The following WDFY3 variants were observed in gnomAD, a reference collection of about 807,000 sequenced individuals.
The protein encoded by WDFY3 is WD repeat and FYVE domain-containing protein 3.
In WDFY3, 66 loss-of-function variants were observed where a neutral mutation model predicts 409.6. That is an observed-to-expected ratio of 0.16 (90% CI 0.13 to 0.20). The LOEUF (loss-of-function observed/expected upper bound fraction) is 0.20. Ranked by LOEUF, WDFY3 falls within the 10% of genes least tolerant of loss-of-function variation. WDFY3 has a pLI of 1.00. For missense variants in WDFY3, 3,031 were observed against 4,298.1 expected, an observed-to-expected ratio of 0.71 and a Z score of 8.24; for synonymous variants, 1,521 against 1,537.1, an observed-to-expected ratio of 0.99 and a Z score of 0.25.
chr4:84,761,637 C>A (rs1212663098), intron 32 of WDFY3, among the ~76,000 whole-genome samples: 3 of 152,170 alleles, frequency 2.0e-5, no homozygotes, highest in South Asian at 2.1e-4. Context: ...TAAAGAGCTT[C>A]TGCACAGCAA....
At chr4:84,737,402 G>A in intron 40 of WDFY3, 36 bp from the exon 41 acceptor site, 1 of 1,516,362 alleles carries the variant, frequency 6.6e-7, no homozygotes, top group Non-Finnish European at 8.8e-7. Context: ...AAAAAAGTAA[G>A]CAAATGATCA....
At chr4:84,942,235 C>A (rs1772237101) in intron 1 of WDFY3, among the ~76,000 whole-genome samples, 2 of 151,880 alleles carry the variant, frequency 1.3e-5, no homozygotes, top group African/African-American at 4.8e-5. Flanking sequence ...CTCTTCAAAA[C>A]ACAGTGTTAT....
intron 48 of WDFY3, among the ~76,000 whole-genome samples, chr4:84,718,043 G>A (rs1414462956): frequency 2.9e-5 from 3 of 104,194 alleles, no homozygotes; most frequent in Non-Finnish European, 5.1e-5. Flanking sequence ...GGGTGACAGA[G>A]TGAGACACTG....
intron 6 of WDFY3, among the ~76,000 whole-genome samples, chr4:84,840,444 T>C (rs1317261820): frequency 6.6e-6 from 1 of 152,192 alleles, no homozygotes; most frequent in Non-Finnish European, 1.5e-5. Flanking sequence ...ATTTTTTTAT[T>C]TTTCCTGAGC....
At chr4:84,678,767 C>T in intron 65 of WDFY3, 152 bp downstream of exon 65, 2 of 769,468 alleles carry the variant, frequency 2.6e-6, no homozygotes, top group Non-Finnish European at 2.0e-6. Context: ...ACTGAAGAGG[C>T]CTTCTGTGTA....
intron 2 of WDFY3, among the ~76,000 whole-genome samples, chr4:84,926,511 C>G (rs540372172): frequency 2.0e-5 from 3 of 152,206 alleles, no homozygotes; most frequent in African/African-American, 7.2e-5. Flanking sequence ...AGTATCTTTA[C>G]TCATTTACAT....
intron 1 of WDFY3, among the ~76,000 whole-genome samples, chr4:84,965,371 T>C (rs913624094): frequency 7.2e-5 from 11 of 152,362 alleles, no homozygotes; most frequent in Admixed American, 6.5e-4. Context: ...TTAACCATTT[T>C]TAAGGTACTG....
intron 46 of WDFY3, 50 bp from the exon 47 acceptor site, chr4:84,721,622 G>A: frequency 1.3e-6 from 2 of 1,589,676 alleles, no homozygotes; most frequent in Non-Finnish European, 1.7e-6. Flanking sequence ...GGACCTTGTG[G>A]GGAAGCAGTT....
intron 2 of WDFY3, among the ~76,000 whole-genome samples, chr4:84,907,863 A>C (rs550085170): frequency 4.3e-4 from 65 of 152,292 alleles, no homozygotes; most frequent in South Asian, 8.3e-4. Context: ...TAAGTGCTCT[A>C]AACGGATAAA....
rs539279784 is a variant in WDFY3 at position 84,752,357 on chromosome 4, T to C, written c.5740-641A>G. Among the ~76,000 whole-genome samples, 24 of 151,902 alleles carry C rather than the reference T, an allele frequency of 1.6e-4. No individual in the cohort carries two copies. In the South Asian group the frequency reaches 4.8e-3, roughly 30 times the overall value. On this transcript the variant is annotated intron_variant, in intron 35 of 67. Transcript: ENST00000295888. ...GGCGAAACCCCATCTCTATTAAAAA[T>C]ACAAAAAAATTGGCCAGGCGTAGTG...
At chr4:84,757,492 T>C (rs985026517) in intron 32 of WDFY3, among the ~76,000 whole-genome samples, 4 of 152,212 alleles carry the variant, frequency 2.6e-5, no homozygotes, top group Non-Finnish European at 4.4e-5. Flanking sequence ...AGTGTTCTTG[T>C]AGTTCCCTAA....
intron 3 of WDFY3, among the ~76,000 whole-genome samples, chr4:84,863,855 G>T (rs1032461078): frequency 4.6e-5 from 7 of 152,204 alleles, no homozygotes; most frequent in African/African-American, 1.7e-4. Context: ...GACTGTAAAT[G>T]CATGGATTTA....
At chr4:84,801,155 T>C (rs528455971) in intron 17 of WDFY3, among the ~76,000 whole-genome samples, 253 of 152,320 alleles carry the variant, frequency 1.7e-3, no homozygotes, top group African/African-American at 5.8e-3. Context: ...CAATAACAGA[T>C]AATTGTATGT....
At chr4:84,673,413 T>C (rs533414889) in intron 67 of WDFY3, among the ~76,000 whole-genome samples, 1 of 152,168 alleles carries the variant, frequency 6.6e-6, no homozygotes, top group South Asian at 2.1e-4. Context: ...TAGCGGAAAT[T>C]AGAAGACTCA....
At chr4:84,728,859 A>G (rs1269707126) in intron 44 of WDFY3, among the ~76,000 whole-genome samples, 1 of 152,226 alleles carries the variant, frequency 6.6e-6, no homozygotes, top group Non-Finnish European at 1.5e-5. Flanking sequence ...AATTATTACT[A>G]TAATTCTTTA....
intron 2 of WDFY3, among the ~76,000 whole-genome samples, chr4:84,905,412 T>C (rs1221412951): frequency 6.6e-6 from 1 of 152,154 alleles, no homozygotes; most frequent in Non-Finnish European, 1.5e-5. Flanking sequence ...AATACTGTCA[T>C]CCAACCAACT....
chr4:84,898,139 T>C (rs979032319), intron 2 of WDFY3, among the ~76,000 whole-genome samples: 1 of 152,224 alleles, frequency 6.6e-6, no homozygotes, highest in Non-Finnish European at 1.5e-5. Flanking sequence ...AGTTCCTCAG[T>C]TGCAGACACT....
chr4:84,716,370 T>C lies in WDFY3; in HGVS notation c.7875+526A>G, dbSNP rs558759287. ...AGGAGAATGGTGTGAACCAGGGAGG[T>C]GGAGCATGCAGTGAGCCTAGATCGT... On this transcript the variant is annotated intron_variant, in intron 49 of 67. Coordinates refer to ENST00000295888, the MANE Select transcript of WDFY3 (RefSeq NM_014991.6). Among the ~76,000 whole-genome samples the C allele has an allele frequency of 4.0e-3, 451 of 112,852 alleles. 3 individuals carry two copies. The highest frequency in any genetic ancestry group is 0.015 in the African/African-American group (428 of 28,346). The allele number at this position is 112,852 out of a possible 152,430, so 74.0% of individuals were successfully genotyped here. A position where few individuals can be genotyped will look rare whatever the true frequency, so the allele number is the denominator to read the frequency against.
intron 24 of WDFY3, 102 bp downstream of exon 24, chr4:84,785,877 A>AT: frequency 7.1e-7 from 1 of 1,414,832 alleles, no homozygotes; most frequent in Non-Finnish European, 9.6e-7. Flanking sequence ...GAAAGGCATG[A>AT]TTTTTAGCAG....
Sources: gnomAD v4.1 joint callset for allele counts (sites outside exome capture counted in the v4.1 genomes callset) on GRCh38, gnomAD v4.1.1 for gene constraint, MANE v1.5 for transcripts, NCBI Gene and HGNC (gene_info 2026-07-23, HGNC 2026-07-21) for gene names.